DMD: variants seen among roughly 807,000 people sequenced by gnomAD.
The protein encoded by DMD is dystrophin.
Under a neutral mutation model 330.1 loss-of-function variants are expected in DMD, and 63 were observed. The observed-to-expected ratio is 0.19, with a 90% CI of 0.16 to 0.24. The LOEUF (loss-of-function observed/expected upper bound fraction) is 0.24, where lower values mean the gene tolerates loss of function less well. Ranked by LOEUF, DMD falls within the 10% of genes least tolerant of loss-of-function variation. The pLI is 1.00. For synonymous variants in DMD, 1,223 were observed against 959.8 expected, an observed-to-expected ratio of 1.27 and a Z score of -5.07; for missense variants, 3,344 against 2,684.1, an observed-to-expected ratio of 1.25 and a Z score of -5.43.
intron 44 of DMD, among the ~76,000 whole-genome samples, chrX:32,074,150 C>T (rs1205176071): frequency 9.0e-6 from 1 of 111,076 alleles, no homozygotes; most frequent in African/African-American, 3.3e-5. Flanking sequence ...TAAATGCTAG[C>T]CATAGAAATG....
intron 52 of DMD, among the ~76,000 whole-genome samples, chrX:31,698,366 C>T (rs1043399456): frequency 9.0e-6 from 1 of 111,687 alleles, no homozygotes; most frequent in African/African-American, 3.3e-5. Context: ...AGGCTAAAAC[C>T]ATCAAAAAAT....
intron 12 of DMD, 126 bp downstream of exon 12, chrX:32,614,177 T>G: frequency 1.4e-6 from 1 of 734,463 alleles, no homozygotes; most frequent in Non-Finnish European, 1.9e-6. Flanking sequence ...AAAATAATTT[T>G]TAAAATATGG....
intron 27 of DMD, among the ~76,000 whole-genome samples, chrX:32,444,734 G>C (rs1453198376): frequency 1.8e-5 from 2 of 110,906 alleles, no homozygotes; most frequent in African/African-American, 6.5e-5. Context: ...ACGGAGACTT[G>C]AGGGGAGTGA....
chrX:32,997,445 C>T (rs1480317350), intron 2 of DMD, among the ~76,000 whole-genome samples: 1 of 111,431 alleles, frequency 9.0e-6, no homozygotes, highest in African/African-American at 3.3e-5. Flanking sequence ...AGGGTTTAAC[C>T]ATGTTGGTCA....
At chrX:32,230,408 C>T (rs900912415) in intron 43 of DMD, among the ~76,000 whole-genome samples, 10 of 111,112 alleles carry the variant, frequency 9.0e-5, no homozygotes, top group Non-Finnish European at 1.5e-4. Flanking sequence ...CCACGCCCGG[C>T]TAATTTTTTG....
At chrX:31,433,335 T>C (rs1460923670) in intron 60 of DMD, among the ~76,000 whole-genome samples, 1 of 112,072 alleles carries the variant, frequency 8.9e-6, no homozygotes, top group East Asian at 2.8e-4. Context: ...TCTTTGCTAT[T>C]GTGAATAGTG....
At chrX:32,566,065 A>G (rs1335362359) in intron 15 of DMD, among the ~76,000 whole-genome samples, 184 bp from the exon 16 acceptor site, 1 of 112,288 alleles carries the variant, frequency 8.9e-6, no homozygotes, top group Non-Finnish European at 1.9e-5. Context: ...AATTATCCCA[A>G]GAAGTTTGAA....
intron 44 of DMD, among the ~76,000 whole-genome samples, chrX:31,997,428 G>GT (rs778180108): frequency 0.19 from 18,731 of 98,777 alleles, 1,857 homozygotes; most frequent in African/African-American, 0.37. Flanking sequence ...ATTTTTTTTT[G>GT]TTTTTTGTTT....
intron 19 of DMD, among the ~76,000 whole-genome samples, chrX:32,498,202 G>C (rs2043689317): frequency 9.0e-6 from 1 of 111,115 alleles, no homozygotes; most frequent in African/African-American, 3.3e-5. Context: ...TTGACGGTAA[G>C]CTGCATGAAA....
intron 1 of DMD, among the ~76,000 whole-genome samples, chrX:33,201,660 A>G (rs1177225764): frequency 8.9e-6 from 1 of 112,486 alleles, no homozygotes; most frequent in East Asian, 2.8e-4. Flanking sequence ...TAGTTTATGT[A>G]AAAAGGCAAC....
intron 4 of DMD, among the ~76,000 whole-genome samples, chrX:32,841,530 G>A (rs184295978): frequency 2.0e-3 from 221 of 111,939 alleles, no homozygotes; most frequent in African/African-American, 6.7e-3. Flanking sequence ...GAGAATTGAA[G>A]TGCAAAAACA....
intron 4 of DMD, among the ~76,000 whole-genome samples, chrX:32,837,514 G>A (rs73621844): frequency 0.045 from 5,062 of 111,299 alleles, 86 homozygotes; most frequent in Non-Finnish European, 0.051. Context: ...CCCCTTGACT[G>A]CTTAGGTTTA....
chrX:32,700,988 A>C lies in DMD; in HGVS notation c.650-1695T>G, dbSNP rs183066149. Among the ~76,000 whole-genome samples, 3 of 112,300 alleles carry C rather than the reference A, an allele frequency of 2.7e-5. No homozygotes were observed. The Admixed American group carries it at 2.8e-4, about 11-fold the overall frequency. ...CTATTTTTAAAGTATTTTTAAAAAGAGTTACAAGAGACGAAAAAATTAATG... is the reference window on the plus strand; with the variant it reads ...CTATTTTTAAAGTATTTTTAAAAAGCGTTACAAGAGACGAAAAAATTAATG... On this transcript the variant is annotated intron_variant, in intron 7 of 78. Coordinates refer to ENST00000357033, the MANE Select transcript of DMD (RefSeq NM_004006.3).
At chrX:31,277,614 C>A (rs191107169) in intron 62 of DMD, among the ~76,000 whole-genome samples, 1 of 110,870 alleles carries the variant, frequency 9.0e-6, no homozygotes, top group East Asian at 2.8e-4. Flanking sequence ...CAGTGCCCCT[C>A]GACATAAGCC....
At chrX:32,740,776 C>T (rs747250730) in intron 7 of DMD, among the ~76,000 whole-genome samples, 1 of 110,875 alleles carries the variant, frequency 9.0e-6, no homozygotes, top group East Asian at 2.9e-4. Flanking sequence ...TAAGTACTTC[C>T]CATGCGTTAT....
intron 1 of DMD, among the ~76,000 whole-genome samples, chrX:33,126,594 A>T (rs957979975): frequency 2.3e-4 from 26 of 112,072 alleles, no homozygotes; most frequent in Admixed American, 4.8e-4. Flanking sequence ...AAATCAGGTC[A>T]TGGGGCTTTG....
chrX:33,051,646 A>ATTTTTTTTTTTTTT lies in DMD; in HGVS notation c.32-31460_32-31447dup, dbSNP rs754035822. ...TAAGGAAAATATATAATTACGCTCT[A>ATTTTTTTTTTTTTT]TTTTTTTTTTTTTTTTTTTGAGACG... On this transcript the variant is annotated intron_variant, in intron 1 of 78. Coordinates refer to ENST00000357033, the MANE Select transcript of DMD (RefSeq NM_004006.3). 3.0e-3 allele frequency among the ~76,000 whole-genome samples: 214 copies of ATTTTTTTTTTTTTT among 71,905 alleles called. 31 individuals carry two copies. The highest frequency in any genetic ancestry group is 0.014 in the African/African-American group (208 of 15,354). 62.4% of individuals were successfully genotyped at this position (71,905 alleles called of 115,157 possible).
chrX:31,370,291 T>A (rs1449558136), intron 60 of DMD, among the ~76,000 whole-genome samples: 1 of 110,873 alleles, frequency 9.0e-6, no homozygotes, highest in Non-Finnish European at 1.9e-5. Context: ...GAAAACCCTA[T>A]ACACAAGAAA....
chrX:32,066,506 C>T (rs1348740237), intron 44 of DMD, among the ~76,000 whole-genome samples: 1 of 111,424 alleles, frequency 9.0e-6, no homozygotes, highest in Non-Finnish European at 1.9e-5. Context: ...TTTTGCAACA[C>T]CTGCATTAGA....
Sources: gnomAD v4.1 joint callset for allele counts (sites outside exome capture counted in the v4.1 genomes callset) on GRCh38, gnomAD v4.1.1 for gene constraint, MANE v1.5 for transcripts, NCBI Gene and HGNC (gene_info 2026-07-23, HGNC 2026-07-21) for gene names.